BMP3: variants seen among roughly 807,000 people sequenced by gnomAD.
BMP3 encodes the protein bone morphogenetic protein 3, also known as bone morphogenetic protein 3 (osteogenic).
Under a neutral mutation model 38.1 loss-of-function variants are expected in BMP3, and 23 were observed. The observed-to-expected ratio is 0.60, with a 90% CI of 0.43 to 0.86. The LOEUF is 0.86. Ranked by LOEUF, BMP3 falls within the 40% of genes least tolerant of loss-of-function variation. BMP3 has a pLI of 0.00. For synonymous variants in BMP3, 258 were observed against 225.7 expected (o/e 1.14, Z -1.28); for missense variants, 628 against 579.6 (o/e 1.08, Z -0.86).
chr4:81,035,947 A>G (rs373914249), intron 1 of BMP3, among the ~76,000 whole-genome samples: 2 of 151,788 alleles, frequency 1.3e-5, no homozygotes, highest in African/African-American at 4.8e-5. Flanking sequence ...ACACTGTCTC[A>G]TTTTTCATTT....
intron 1 of BMP3, 62 bp downstream of exon 1, chr4:81,031,662 C>CT: frequency 6.8e-7 from 1 of 1,471,348 alleles, no homozygotes; most frequent in Non-Finnish European, 9.0e-7. Flanking sequence ...CCGGGACCCC[C>CT]CACAGCTTCC....
chr4:81,053,602 T>C lies in BMP3; in HGVS notation c.*66T>C. The C allele has an allele frequency of 7.1e-6, 1 of 140,806 alleles. No individual in the cohort carries two copies. The highest frequency in any genetic ancestry group is 9.0e-6 in the Non-Finnish European group (1 of 110,876). The allele number at this position is 140,806 out of a possible 1,614,324, so 8.7% of individuals were successfully genotyped here. On this transcript the variant is annotated 3_prime_UTR_variant, in exon 3 of 3. Transcript: ENST00000282701. The stretch of plus-strand genomic sequence containing the variant: ...GTTTATTTTTATGGACTTCTTCCTG[T>C]TTTTTTTTTTTTTTTTTTTGCACTG...
Position 81,046,372 on chromosome 4 carries a change from G to C in BMP3, c.951G>C (p.Glu317Asp). ...ATAAAAAGGATGAGGTGTGGGAGGA[G>C]AGAAAGCCTTACAAGACCCTTCAGG... The part of the protein sequence containing the change: ...YQYKKDEVWE[E>D]RKPYKTLQAQ... Residue 317 changes from glutamate (E) to aspartate (D), a missense_variant, in exon 2 of 3, where the codon GAG becomes GAC. Glu to Asp is a conservative substitution (Grantham distance 45). Coordinates refer to ENST00000282701, the MANE Select transcript of BMP3 (RefSeq NM_001201.5). 6.2e-7 allele frequency: 1 copy of C among 1,614,006 alleles called. No individual in the cohort carries two copies. The highest frequency in any genetic ancestry group is 8.5e-7 in the Non-Finnish European group (1 of 1,180,028).
At position 81,056,260 on chromosome 4, in the gene BMP3, TC is replaced by T. The variant is rs1389745864; in HGVS notation, c.*2729del. ...CATGCATAATACTCTCTCTCTCTCT[TC>T]CCCCACAAGTAATCTCTCTACCCCA... On this transcript the variant is annotated 3_prime_UTR_variant, in exon 3 of 3. Coordinates refer to ENST00000282701, the MANE Select transcript of BMP3 (RefSeq NM_001201.5). 1.3e-5 allele frequency: 2 copies of T among 151,268 alleles called. No homozygotes were observed. The highest frequency in any genetic ancestry group is 4.9e-5 in the African/African-American group (2 of 41,084). 9.4% of individuals were successfully genotyped at this position (151,268 alleles called of 1,614,324 possible). A position where few individuals can be genotyped will look rare whatever the true frequency, so the allele number is the denominator to read the frequency against.
rs140653938 is a variant in BMP3, at chr4:81,046,274, C to T, written c.853C>T (p.Arg285Trp). 8.5e-5 allele frequency: 137 copies of T among 1,613,988 alleles called. No homozygotes were observed. Among genetic ancestry groups the T allele is most frequent in the Non-Finnish European group, 8.7e-5 (103 of 1,180,000 alleles). ...CATCAGAGCTGCCCTTTCCATTGAG[C>T]GGAGGAAGAAGCGCTCTACTGGGGT... Reference protein sequence around the residue: ...SHIRAALSIERRKKRSTGVLL... With the variant: ...SHIRAALSIEWRKKRSTGVLL... The change falls in exon 2 of 3, where the codon CGG becomes TGG. Residue 285 changes from arginine (R) to tryptophan (W), a missense_variant. Coordinates refer to ENST00000282701, the MANE Select transcript of BMP3 (RefSeq NM_001201.5).
At chr4:81,052,066 C>G (rs1740411034) in intron 2 of BMP3, among the ~76,000 whole-genome samples, 1 of 151,226 alleles carries the variant, frequency 6.6e-6, no homozygotes, top group Non-Finnish European at 1.5e-5. Flanking sequence ...TTGTATATAC[C>G]CTTAAAGTTT....
In BMP3 at chr4:81,046,512, GGA is replaced by G. The variant is rs1740252417; in HGVS notation, c.1092_1093del (p.Trp364CysfsTer2). 2 of 1,614,050 alleles carry G rather than the reference GGA, an allele frequency of 1.2e-6. No individual in the cohort carries two copies. The highest frequency in any genetic ancestry group is 1.3e-5 in the African/African-American group (1 of 75,014). ...CTGAAAAAGGCAAGGAGAAAGCAGT[GGA>G]TTGAACCTCGGAATTGCGCCAGGAG... On this transcript the variant is annotated frameshift_variant, in exon 2 of 3. Coordinates refer to ENST00000282701, the MANE Select transcript of BMP3 (RefSeq NM_001201.5). LOFTEE classifies it high-confidence loss of function.
At chr4:81,046,895 C>G (rs1271563712) in intron 2 of BMP3, among the ~76,000 whole-genome samples, 1 of 152,102 alleles carries the variant, frequency 6.6e-6, no homozygotes, top group Non-Finnish European at 1.5e-5. Flanking sequence ...GAGAAAAAAA[C>G]ATGTGTGAAA....
chr4:81,048,566 C>T (rs1198955455), intron 2 of BMP3, among the ~76,000 whole-genome samples: 1 of 152,168 alleles, frequency 6.6e-6, no homozygotes, highest in South Asian at 2.1e-4. Flanking sequence ...ACCACAATTA[C>T]TTCCAATTTG....
At chr4:81,032,012 A>G (rs1379027775) in intron 1 of BMP3, among the ~76,000 whole-genome samples, 16 of 152,006 alleles carry the variant, frequency 1.1e-4, no homozygotes, top group Admixed American at 1.0e-3. Flanking sequence ...CATGTTTACT[A>G]AGAGGCAGAT....
chr4:81,052,197 C>T (rs759847560), intron 2 of BMP3, among the ~76,000 whole-genome samples: 6 of 151,952 alleles, frequency 3.9e-5, no homozygotes, highest in Non-Finnish European at 8.8e-5. Context: ...AATTAAAAAG[C>T]GAAAGTTTTG....
rs897159518 is a variant in BMP3 at position 81,053,796 on chromosome 4, A to C, written c.*260A>C. The C allele has an allele frequency of 4.1e-6, 1 of 245,464 alleles. No individual in the cohort carries two copies. 15.2% of individuals were successfully genotyped at this position (245,464 alleles called of 1,614,324 possible). A position where few individuals can be genotyped will look rare whatever the true frequency, so the allele number is the denominator to read the frequency against. The stretch of plus-strand genomic sequence containing the variant: ...TCTCTTTTTGTAATCAAACACAACA[A>C]CTTATCAAACTGTTTTTAGAACTGT... On this transcript the variant is annotated 3_prime_UTR_variant, in exon 3 of 3. Coordinates refer to ENST00000282701, the MANE Select transcript of BMP3 (RefSeq NM_001201.5).
intron 1 of BMP3, among the ~76,000 whole-genome samples, chr4:81,039,347 C>T (rs985875850): frequency 6.6e-6 from 1 of 152,184 alleles, no homozygotes; most frequent in African/African-American, 2.4e-5. Context: ...ATCAAGATTT[C>T]ATTTAGTCTA....
chr4:81,049,817 A>G (rs1740361226), intron 2 of BMP3, among the ~76,000 whole-genome samples: 2 of 152,208 alleles, frequency 1.3e-5, no homozygotes, highest in African/African-American at 4.8e-5. Context: ...GAGGAGAATC[A>G]AGGCCACTGG....
At chr4:81,051,994 C>A (rs1560514374) in intron 2 of BMP3, among the ~76,000 whole-genome samples, 1 of 150,886 alleles carries the variant, frequency 6.6e-6, no homozygotes. Context: ...AAAAATAATC[C>A]TTTTTTTCTT....
Sources: allele counts gnomAD v4.1 joint callset (sites outside exome capture counted in the v4.1 genomes callset), GRCh38; gene constraint gnomAD v4.1.1; transcripts MANE v1.5; gene names NCBI Gene and HGNC (gene_info 2026-07-23, HGNC 2026-07-21).